The following ASB7 variants were observed in gnomAD, a reference collection of about 807,000 sequenced individuals.
The protein encoded by ASB7 is ankyrin repeat and SOCS box protein 7.
In ASB7, 4 loss-of-function variants were observed where a neutral mutation model predicts 32.5. The observed-to-expected ratio is 0.12, with a 90% confidence interval of 0.06 to 0.28. ASB7 has a LOEUF of 0.28. Among genes scored for constraint, ASB7 ranks in the 10% least tolerant of loss-of-function variants. ASB7 has a pLI of 1.00. For missense variants in ASB7, 181 were observed against 407.1 expected (o/e 0.44, Z 4.78); for synonymous variants, 172 against 155.6 (o/e 1.11, Z -0.78).
At position 100,612,284 on chromosome 15, in the gene ASB7, C is replaced by T; in HGVS notation, c.68C>T (p.Ala23Val). Residue 23 changes from alanine to valine, a missense_variant, in exon 4 of 6, where the codon GCT becomes GTT. Physicochemically the swap from Ala to Val is moderately conservative, Grantham distance 64 (BLOSUM62 0). Transcript: ENST00000332783. ...QEELQIQAAV[A>V]AGDVHTVRKM... ...GAGTTGCAGATTCAGGCCGCGGTGG[C>T]TGCTGGGGATGTCCACACAGTGCGA... 6.2e-7 allele frequency: 1 copy of T among 1,614,162 alleles called. No individual in the cohort carries two copies. The highest frequency in any genetic ancestry group is 8.5e-7 in the Non-Finnish European group (1 of 1,180,016).
chr15:100,622,546 A>C (rs2039803241), intron 4 of ASB7, among the ~76,000 whole-genome samples: 1 of 152,244 alleles, frequency 6.6e-6, no homozygotes. Flanking sequence ...ACACTACCGG[A>C]CTTCAAAATA....
intron 5 of ASB7, among the ~76,000 whole-genome samples, chr15:100,641,121 G>A (rs1259288523): frequency 6.6e-6 from 1 of 152,110 alleles, no homozygotes; most frequent in Non-Finnish European, 1.5e-5. Flanking sequence ...AAGATGCCTA[G>A]TAAATGGTGT....
chr15:100,621,582 A>C (rs1206122542), intron 4 of ASB7, among the ~76,000 whole-genome samples: 1 of 152,196 alleles, frequency 6.6e-6, no homozygotes, highest in Non-Finnish European at 1.5e-5. Flanking sequence ...TTTAAAATAA[A>C]AGACAATAAT....
intron 5 of ASB7, among the ~76,000 whole-genome samples, chr15:100,644,341 C>A (rs1227498028): frequency 6.6e-6 from 1 of 152,154 alleles, no homozygotes; most frequent in Non-Finnish European, 1.5e-5. Flanking sequence ...ATTCACATTC[C>A]AGTTTGCATT....
intron 2 of ASB7, among the ~76,000 whole-genome samples, chr15:100,603,722 C>T (rs539935951): frequency 1.8e-4 from 28 of 152,234 alleles, no homozygotes; most frequent in African/African-American, 5.1e-4. Flanking sequence ...CTGTTTTCCC[C>T]CTTACTCTTT....
chr15:100,609,390 T>C (rs1362381897), intron 2 of ASB7, among the ~76,000 whole-genome samples: 1 of 152,228 alleles, frequency 6.6e-6, no homozygotes, highest in African/African-American at 2.4e-5. Flanking sequence ...AGTCTGAAAC[T>C]GTATTCTCAA....
At chr15:100,627,143 A>G (rs2039846835) in intron 4 of ASB7, among the ~76,000 whole-genome samples, 2 of 152,170 alleles carry the variant, frequency 1.3e-5, no homozygotes, top group South Asian at 2.1e-4. Flanking sequence ...TTCTGTTTAT[A>G]TACATTAAAT....
In ASB7 at chr15:100,648,523, C is replaced by G; in HGVS notation, c.*61C>G. The G allele has an allele frequency of 7.1e-7, 1 of 1,415,888 alleles. No homozygotes were observed. The highest frequency in any genetic ancestry group is 2.4e-5 in the East Asian group (1 of 42,176). The allele number at this position is 1,415,888 out of a possible 1,614,324, so 87.7% of individuals were successfully genotyped here. On this transcript the variant is annotated 3_prime_UTR_variant, in exon 6 of 6. Coordinates refer to ENST00000332783, the MANE Select transcript of ASB7 (RefSeq NM_198243.3). Reference sequence around the variant, plus strand: ...TCTAGATACTTAAAAGGCTTTTTGCCTTGCACAAAGTATATCCTATGCAAT... The same window carrying G: ...TCTAGATACTTAAAAGGCTTTTTGCGTTGCACAAAGTATATCCTATGCAAT...
In ASB7 at chr15:100,629,422, T is replaced by G; in HGVS notation, c.212-15T>G. On this transcript the variant is annotated splice_polypyrimidine_tract_variant and intron_variant, in intron 4 of 5. Transcript: ENST00000332783. The surrounding 1 kb of genome is among the most constrained non-coding windows in gnomAD (Gnocchi z 6.8). ...TTGGAGTCTGCTAATACTTTCATTT[T>G]GGTTTTAACTCCAGCTGATCCTACA... 6.3e-7 allele frequency: 1 copy of G among 1,589,238 alleles called. No individual in the cohort carries two copies. Among genetic ancestry groups the G allele is most frequent in the Non-Finnish European group, 8.6e-7 (1 of 1,162,416 alleles).
At chr15:100,634,441 T>A (rs899401595) in intron 5 of ASB7, among the ~76,000 whole-genome samples, 1 of 152,102 alleles carries the variant, frequency 6.6e-6, no homozygotes, top group African/African-American at 2.4e-5. Context: ...AAGCACAAAT[T>A]ATAGACCTGG....
At chr15:100,607,202 A>G (rs891750064) in intron 2 of ASB7, among the ~76,000 whole-genome samples, 1 of 150,642 alleles carries the variant, frequency 6.6e-6, no homozygotes, top group African/African-American at 2.4e-5. Flanking sequence ...TTTTCTTTTT[A>G]TAGGTGACTT....
chr15:100,627,050 C>T (rs1389250590), intron 4 of ASB7, among the ~76,000 whole-genome samples: 1 of 151,866 alleles, frequency 6.6e-6, no homozygotes, highest in East Asian at 1.9e-4. Context: ...ATCATCTGTA[C>T]CCTTAAAGTG....
chr15:100,607,369 G>A (rs1038452182), intron 2 of ASB7, among the ~76,000 whole-genome samples: 6 of 152,024 alleles, frequency 3.9e-5, no homozygotes, highest in African/African-American at 9.7e-5. Flanking sequence ...ATTTATACAC[G>A]TGACTCGACT....
At position 100,629,360 on chromosome 15, in the gene ASB7, C is replaced by T; in HGVS notation, c.212-77C>T. ...TCACATTTTATATGAGAATTGGCCA[C>T]AGTTTGCTGTGCCATGGTAATGTTT... is the stretch of plus-strand genomic sequence containing the variant. On this transcript the variant is annotated intron_variant, in intron 4 of 5. Coordinates refer to ENST00000332783, the MANE Select transcript of ASB7 (RefSeq NM_198243.3). The surrounding 1 kb of genome is among the most constrained non-coding windows in gnomAD (Gnocchi z 6.8). 1 of 1,319,140 alleles carries T rather than the reference C, an allele frequency of 7.6e-7. No homozygotes were observed. The highest frequency in any genetic ancestry group is 1.5e-5 in the African/African-American group (1 of 68,030). 81.7% of individuals were successfully genotyped at this position (1,319,140 alleles called of 1,614,324 possible).
At chr15:100,617,455 A>G (rs906201099) in intron 4 of ASB7, among the ~76,000 whole-genome samples, 3 of 152,136 alleles carry the variant, frequency 2.0e-5, no homozygotes, top group African/African-American at 4.8e-5. Context: ...CTCTTGGGTC[A>G]CGCTTCTGCT....
chr15:100,636,155 C>CT lies in ASB7; in HGVS notation c.817+6114dup, dbSNP rs557893136. ...TCCTACCAGTTTATGGCTTCAGTGA[C>CT]TACGGCTCCAGGTACACAGATCTCA... is the stretch of plus-strand genomic sequence containing the variant. On this transcript the variant is annotated intron_variant, in intron 5 of 5. Transcript: ENST00000332783. 1.8e-3 allele frequency among the ~76,000 whole-genome samples: 279 copies of CT among 152,326 alleles called. 1 individual carries two copies. The highest frequency in any genetic ancestry group is 6.3e-3 in the African/African-American group (261 of 41,582).
At chr15:100,645,156 G>A (rs1035882092) in intron 5 of ASB7, among the ~76,000 whole-genome samples, 1 of 151,978 alleles carries the variant, frequency 6.6e-6, no homozygotes, top group Non-Finnish European at 1.5e-5. Flanking sequence ...ACCCTTTTAG[G>A]GTAACTGTGA....
chr15:100,612,365 T>C lies in ASB7; in HGVS notation c.149T>C (p.Leu50Pro). 1 of 1,614,224 alleles carries C rather than the reference T, an allele frequency of 6.2e-7. No homozygotes were observed. The highest frequency in any genetic ancestry group is 8.5e-7 in the Non-Finnish European group (1 of 1,180,018). Residue 50 changes from leucine to proline, a missense_variant, in exon 4 of 6, where the codon CTG (leucine) becomes CCG (proline). Leu to Pro is a moderately conservative substitution (Grantham distance 98). Transcript: ENST00000332783. ...GGCCGAGATGCGAATGGCTGGACTCTGCTTCATTTCTCTGCAGCAAGAGGA... is the reference window on the plus strand; with the variant it reads ...GGCCGAGATGCGAATGGCTGGACTCCGCTTCATTTCTCTGCAGCAAGAGGA... The part of the protein sequence containing the change: ...PNGRDANGWT[L>P]LHFSAARGKE...
intron 3 of ASB7, among the ~76,000 whole-genome samples, chr15:100,611,642 G>A (rs954276938): frequency 6.6e-6 from 1 of 150,604 alleles, no homozygotes; most frequent in African/African-American, 2.4e-5. Flanking sequence ...ACCACACCCG[G>A]CTAATTTTTG....
Sources: allele counts gnomAD v4.1 joint callset (sites outside exome capture counted in the v4.1 genomes callset), GRCh38; gene constraint gnomAD v4.1.1; non-coding constraint Gnocchi (gnomAD v3.1); transcripts MANE v1.5; gene names NCBI Gene and HGNC (gene_info 2026-07-23, HGNC 2026-07-21).